The following OR56A3 variants were observed in gnomAD, a reference collection of about 807,000 sequenced individuals.
The protein encoded by OR56A3 is olfactory receptor family 56 subfamily A member 3, also known as olfactory receptor 56A3.
OR56A3 carries 23 observed loss-of-function variants against 17.5 expected under a neutral mutation model. The ratio of observed to expected loss-of-function variants is 1.32; its 90% CI spans 0.95 to 1.87. The LOEUF (loss-of-function observed/expected upper bound fraction) is 1.87. Among genes scored for constraint, OR56A3 ranks in the 40% most tolerant of loss-of-function variants. The probability of loss-of-function intolerance (pLI) is 0.00; values close to 1 mark genes in which losing one functional copy is unlikely to be tolerated. For missense variants in OR56A3, 366 were observed against 380.1 expected (o/e 0.96, Z 0.31); for synonymous variants, 175 against 150.6 (o/e 1.16, Z -1.19).
the OR56A3 span, chr11:5,993,767 C>T: frequency 4.4e-6 from 1 of 224,952 alleles, no homozygotes; most frequent in South Asian, 6.6e-5. Context: ...TTATTTTACT[C>T]AGCATATCTA....
At chr11:5,995,984 G>T in the OR56A3 span, among the ~76,000 whole-genome samples, 1 of 152,032 alleles carries the variant, frequency 6.6e-6, no homozygotes, top group African/African-American at 2.4e-5. Flanking sequence ...GAGATCATGT[G>T]GTATTTGTCT....
the OR56A3 span, chr11:5,994,135 A>G: frequency 2.0e-6 from 1 of 500,142 alleles, no homozygotes; most frequent in East Asian, 5.5e-5. Context: ...CTCCGACTCC[A>G]GGTGCAGCAG....
the OR56A3 span, among the ~76,000 whole-genome samples, chr11:5,992,890 T>G: frequency 6.6e-6 from 1 of 152,318 alleles, no homozygotes; most frequent in Admixed American, 6.5e-5. Flanking sequence ...AGATGGTAGA[T>G]TGGTAGATTA....
chr11:6,002,816 G>A, the OR56A3 span: 11 of 1,613,740 alleles, frequency 6.8e-6, no homozygotes, highest in Middle Eastern at 1.7e-4. Context: ...ACAGGGGCTG[G>A]TGCAGAGAGG....
chr11:5,986,676 A>T, the OR56A3 span: 31 of 1,613,858 alleles, frequency 1.9e-5, no homozygotes, highest in Admixed American at 5.0e-5. Flanking sequence ...GGTCGATGGC[A>T]GCTAGCATGG....
chr11:6,002,672 C>T, the OR56A3 span: 4 of 1,614,112 alleles, frequency 2.5e-6, no homozygotes, highest in South Asian at 1.1e-5. Context: ...AAAAACTGTT[C>T]ATGATGAACA....
chr11:5,942,631 A>G (rs1324826401), intron 1 of OR56A3, among the ~76,000 whole-genome samples: 1 of 152,266 alleles, frequency 6.6e-6, no homozygotes, highest in African/African-American at 2.4e-5. Flanking sequence ...ATTAGTTTCT[A>G]TAACTTCAGA....
the OR56A3 span, among the ~76,000 whole-genome samples, chr11:5,970,701 A>C: frequency 1.3e-5 from 2 of 151,970 alleles, no homozygotes; most frequent in Admixed American, 1.3e-4. Context: ...AAAAAAAAAG[A>C]TAAAGCAACA....
the OR56A3 span, among the ~76,000 whole-genome samples, chr11:5,991,143 C>T: frequency 8.5e-5 from 13 of 152,082 alleles, no homozygotes; most frequent in African/African-American, 1.9e-4. Context: ...TAAAATTTTC[C>T]AAAGATATGA....
At chr11:5,986,403 G>T in the OR56A3 span, 1 of 1,613,976 alleles carries the variant, frequency 6.2e-7, no homozygotes. Context: ...AAATGGGGAA[G>T]GGGATAAGGA....
chr11:5,968,199 G>T, the OR56A3 span: 1 of 1,614,230 alleles, frequency 6.2e-7, no homozygotes, highest in Non-Finnish European at 8.5e-7. Context: ...AAGGAAGCAG[G>T]CAGGGAAGCT....
chr11:5,946,465 A>G (rs549401273), intron 2 of OR56A3, among the ~76,000 whole-genome samples: 1 of 152,348 alleles, frequency 6.6e-6, no homozygotes, highest in Non-Finnish European at 1.5e-5. Flanking sequence ...ATGTGTGGCT[A>G]TATCATTACA....
chr11:5,944,088 C>T (rs1414320330), intron 1 of OR56A3, among the ~76,000 whole-genome samples: 3 of 152,178 alleles, frequency 2.0e-5, no homozygotes, highest in Non-Finnish European at 4.4e-5. Context: ...TAGTCACCAA[C>T]TGGAGGCTGG....
At chr11:5,968,780 T>C in the OR56A3 span, among the ~76,000 whole-genome samples, 1 of 151,966 alleles carries the variant, frequency 6.6e-6, no homozygotes, top group East Asian at 1.9e-4. Flanking sequence ...AAACATACTG[T>C]AAAATACAAA....
chr11:6,010,817 ATGTGTGTGTG>A, the OR56A3 span, among the ~76,000 whole-genome samples: 36,449 of 149,748 alleles, frequency 0.24, 4,782 homozygotes, highest in African/African-American at 0.34. Flanking sequence ...CAAGACAGAA[ATGTGTGTGTG>A]TGTGTGTGTG....
At chr11:5,945,591 A>AT (rs1847865015) in intron 2 of OR56A3, among the ~76,000 whole-genome samples, 1 of 150,550 alleles carries the variant, frequency 6.6e-6, no homozygotes, top group African/African-American at 2.5e-5. Context: ...AAAAAAAAAA[A>AT]AAAAAAAAAA....
the OR56A3 span, among the ~76,000 whole-genome samples, chr11:5,987,562 C>T: frequency 6.6e-6 from 1 of 152,184 alleles, no homozygotes; most frequent in Non-Finnish European, 1.5e-5. Context: ...ACATCCTCAA[C>T]ATATTCAACA....
chr11:5,961,701 C>T, the OR56A3 span, among the ~76,000 whole-genome samples: 1 of 150,558 alleles, frequency 6.6e-6, no homozygotes, highest in Non-Finnish European at 1.5e-5. Context: ...GTCCTATGAC[C>T]CTGCCAAATC....
chr11:6,012,936 T>A, the OR56A3 span, among the ~76,000 whole-genome samples: 102,949 of 151,688 alleles, frequency 0.68, 35,233 homozygotes, highest in East Asian at 0.94. Flanking sequence ...CTGAGATCTG[T>A]GTAGGTTCTG....
Sources: allele counts gnomAD v4.1 joint callset (sites outside exome capture counted in the v4.1 genomes callset), GRCh38; gene constraint gnomAD v4.1.1; transcripts MANE v1.5; gene names NCBI Gene and HGNC (gene_info 2026-07-23, HGNC 2026-07-21).